The following TXLNB variants were observed in gnomAD, a reference collection of about 807,000 sequenced individuals.
TXLNB encodes the protein taxilin beta.
A neutral mutation model predicts 57.4 loss-of-function variants in TXLNB; 37 were observed. The observed-to-expected ratio is 0.64, with a 90% CI of 0.50 to 0.85. The LOEUF (loss-of-function observed/expected upper bound fraction) is 0.85, where lower values mean the gene tolerates loss of function less well. Among genes scored for constraint, TXLNB ranks in the 40% least tolerant of loss-of-function variants. TXLNB has a pLI of 0.00. For missense variants in TXLNB, 848 were observed against 825.6 expected (o/e 1.03, Z -0.33); for synonymous variants, 302 against 309.6 (o/e 0.98, Z 0.26).
chr6:139,211,257 G>A, the TXLNB span, among the ~76,000 whole-genome samples: 22,450 of 152,100 alleles, frequency 0.15, 1,882 homozygotes, highest in East Asian at 0.26. Context: ...CACCTCACAC[G>A]GCTGGGTACT....
At chr6:139,321,542 C>CT in the TXLNB span, among the ~76,000 whole-genome samples, 6,636 of 131,406 alleles carry the variant, frequency 0.051, 576 homozygotes, top group African/African-American at 0.17. Flanking sequence ...CTGAGCTCTC[C>CT]TTTTTTTTTT....
At chr6:139,206,126 T>C in the TXLNB span, among the ~76,000 whole-genome samples, 1 of 152,182 alleles carries the variant, frequency 6.6e-6, no homozygotes, top group Non-Finnish European at 1.5e-5. Context: ...AAACAAATGC[T>C]TAGAGAATTT....
the TXLNB span, among the ~76,000 whole-genome samples, chr6:139,223,091 T>C: frequency 6.6e-6 from 1 of 152,234 alleles, no homozygotes; most frequent in Non-Finnish European, 1.5e-5. Flanking sequence ...AGTTTCAACA[T>C]GTTTCGAATG....
the TXLNB span, among the ~76,000 whole-genome samples, chr6:139,220,717 C>T: frequency 3.4e-3 from 515 of 152,228 alleles, 2 homozygotes; most frequent in Admixed American, 4.8e-3. Flanking sequence ...ACTTACTTGC[C>T]CAGTTTCAAC....
At chr6:139,271,482 G>C (rs893548002) in intron 3 of TXLNB, 2 of 151,920 alleles carry the variant, frequency 1.3e-5, no homozygotes, top group African/African-American at 2.4e-5. Context: ...TCTAGGGTAG[G>C]GTTGTCAGTA....
chr6:139,235,041 T>C, the TXLNB span, among the ~76,000 whole-genome samples: 6 of 152,196 alleles, frequency 3.9e-5, no homozygotes, highest in African/African-American at 1.2e-4. Flanking sequence ...GACTACCTAG[T>C]TGGATTTAGG....
At chr6:139,246,907 T>C (rs6570321) in intron 8 of TXLNB, among the ~76,000 whole-genome samples, 58,003 of 146,390 alleles carry the variant, frequency 0.4, 14,367 homozygotes, top group African/African-American at 0.71. Flanking sequence ...AGAGCGAAAT[T>C]CCATCTCAAA....
downstream of TXLNB, chr6:139,239,099 T>G (rs538640335): frequency 6.6e-6 from 1 of 152,372 alleles, no homozygotes; most frequent in African/African-American, 2.4e-5. The surrounding 1 kb of genome is among the most constrained non-coding windows in gnomAD (Gnocchi z 4.7). Context: ...TTCTCCCTTC[T>G]TAGCTCACAG....
At position 139,288,750 on chromosome 6, in the gene TXLNB, A is replaced by G; in HGVS notation, c.150T>C (p.Ser50=). Residue 50 remains serine (S), a synonymous_variant, in exon 2 of 10, where the codon AGT becomes AGC. Transcript: ENST00000358430. ...GCTCTTCAGAGATATCGGGGTGCAC[A>G]CTTGCCTCTTTCTCTGGTGGTTGGA... ...TPVQPPEKEA[S]VHPDISEELN... is the part of the protein sequence containing the mutation. 6.2e-7 allele frequency: 1 copy of G among 1,614,032 alleles called. No individual in the cohort carries two copies. Among genetic ancestry groups the G allele is most frequent in the Non-Finnish European group, 8.5e-7 (1 of 1,179,982 alleles).
At chr6:139,166,555 C>T in the TXLNB span, 1 of 1,614,240 alleles carries the variant, frequency 6.2e-7, no homozygotes, top group Non-Finnish European at 8.5e-7. Context: ...GCCGCTGTGG[C>T]CAGGGCCACT....
intron 3 of TXLNB, among the ~76,000 whole-genome samples, chr6:139,275,166 G>C (rs191017521): frequency 6.6e-6 from 1 of 152,018 alleles, no homozygotes; most frequent in South Asian, 2.1e-4. Flanking sequence ...TAAAAAAGAA[G>C]GAAAAAGAAC....
At chr6:139,278,529 T>C (rs991092684) in intron 2 of TXLNB, among the ~76,000 whole-genome samples, 1 of 152,164 alleles carries the variant, frequency 6.6e-6, no homozygotes, top group Non-Finnish European at 1.5e-5. Context: ...TGGATTTGCA[T>C]TGGTCAGGCC....
At chr6:139,166,219 A>G in the TXLNB span, 4 of 1,272,924 alleles carry the variant, frequency 3.1e-6, no homozygotes. Flanking sequence ...ATACTGTTGC[A>G]AGTACAGGTT....
chr6:139,302,100 G>C, the TXLNB span, among the ~76,000 whole-genome samples: 2 of 151,996 alleles, frequency 1.3e-5, no homozygotes, highest in African/African-American at 4.8e-5. Flanking sequence ...TGAATATTTT[G>C]CTTAGATGAA....
downstream of TXLNB, among the ~76,000 whole-genome samples, chr6:139,239,868 A>G (rs1255530320): frequency 6.6e-6 from 1 of 150,558 alleles, no homozygotes; most frequent in African/African-American, 2.5e-5. This position sits in a 1 kb window ranked among gnomAD's most constrained non-coding sequence, Gnocchi z 4.7. Context: ...TCTGTCTGTC[A>G]CATACACACA....
At chr6:139,322,763 T>A in the TXLNB span, among the ~76,000 whole-genome samples, 1 of 152,194 alleles carries the variant, frequency 6.6e-6, no homozygotes, top group Non-Finnish European at 1.5e-5. Context: ...CAGCTTTATA[T>A]CCCCCTTGTT....
At chr6:139,321,529 T>C in the TXLNB span, among the ~76,000 whole-genome samples, 1 of 150,916 alleles carries the variant, frequency 6.6e-6, no homozygotes, top group East Asian at 1.9e-4. Context: ...ACATGGGCTA[T>C]GACTGAGCTC....
chr6:139,184,575 G>C, the TXLNB span, among the ~76,000 whole-genome samples: 3 of 150,244 alleles, frequency 2.0e-5, no homozygotes, highest in South Asian at 6.4e-4. Flanking sequence ...GAGAACTCTG[G>C]GTATAAGGTG....
At chr6:139,306,554 T>C in the TXLNB span, among the ~76,000 whole-genome samples, 1 of 152,202 alleles carries the variant, frequency 6.6e-6, no homozygotes, top group Non-Finnish European at 1.5e-5. Context: ...ACAGATAAGA[T>C]ATTTCAATCC....
Sources: allele counts gnomAD v4.1 joint callset (sites outside exome capture counted in the v4.1 genomes callset), GRCh38; gene constraint gnomAD v4.1.1; non-coding constraint Gnocchi (gnomAD v3.1); transcripts MANE v1.5; gene names NCBI Gene and HGNC (gene_info 2026-07-23, HGNC 2026-07-21).